Variants in FOXP2 observed in about 807,000 individuals in gnomAD.
FOXP2 encodes the protein forkhead box P2.
In FOXP2, 12 loss-of-function variants were observed where a neutral mutation model predicts 115.8. That is an observed-to-expected ratio of 0.10 (90% CI 0.07 to 0.17). The LOEUF is 0.17. Ranked by LOEUF, FOXP2 falls within the 10% of genes least tolerant of loss-of-function variation. The pLI, the probability that FOXP2 is intolerant of heterozygous loss-of-function variation, is 1.00. For missense variants in FOXP2, 629 were observed against 843.5 expected (o/e 0.75, Z 3.15); for synonymous variants, 328 against 297.7 (o/e 1.10, Z -1.05).
chr7:114,474,994 A>G (rs2396751), intron 2 of FOXP2, among the ~76,000 whole-genome samples: 68,967 of 151,640 alleles, frequency 0.45, 15,808 homozygotes, highest in Admixed American at 0.52. Context: ...AGATGTAGTA[A>G]ATGAGCCCTG....
intron 1 of FOXP2, among the ~76,000 whole-genome samples, chr7:114,285,675 T>C (rs1796450362): frequency 6.6e-6 from 1 of 152,102 alleles, no homozygotes; most frequent in Non-Finnish European, 1.5e-5. Flanking sequence ...AAATTCATGC[T>C]CTTCTGATGA....
chr7:114,655,001 T>G (rs1001798295), intron 10 of FOXP2, among the ~76,000 whole-genome samples: 4 of 152,152 alleles, frequency 2.6e-5, no homozygotes, highest in African/African-American at 9.6e-5. Context: ...TTTCTGCTTT[T>G]CCTTTGTACT....
intron 2 of FOXP2, among the ~76,000 whole-genome samples, chr7:114,350,626 C>T (rs190457269): frequency 6.6e-6 from 1 of 152,064 alleles, no homozygotes; most frequent in East Asian, 1.9e-4. Flanking sequence ...TATATAGTTG[C>T]CTCTAATTTC....
At chr7:114,431,667 A>T (rs1452299767) in intron 2 of FOXP2, among the ~76,000 whole-genome samples, 1 of 151,896 alleles carries the variant, frequency 6.6e-6, no homozygotes, top group Non-Finnish European at 1.5e-5. Flanking sequence ...TGATCAGAAG[A>T]TGGCTGTAAT....
chr7:114,616,958 C>G (rs1036491598), intron 3 of FOXP2, among the ~76,000 whole-genome samples: 1 of 152,168 alleles, frequency 6.6e-6, no homozygotes, highest in East Asian at 1.9e-4. Flanking sequence ...TGGCAGTGCA[C>G]ACCTGTAGTC....
intron 2 of FOXP2, among the ~76,000 whole-genome samples, chr7:114,491,094 A>G (rs1321378045): frequency 6.6e-6 from 1 of 152,282 alleles, no homozygotes; most frequent in Non-Finnish European, 1.5e-5. Context: ...GACTTCCACA[A>G]TGGTTGAACT....
chr7:114,347,349 C>T (rs576226903), intron 2 of FOXP2, among the ~76,000 whole-genome samples: 22 of 152,006 alleles, frequency 1.4e-4, no homozygotes, highest in East Asian at 3.9e-4. Flanking sequence ...CATATACACA[C>T]GCATATACGT....
intron 1 of FOXP2, among the ~76,000 whole-genome samples, chr7:114,152,896 C>G (rs1187385160): frequency 6.6e-6 from 1 of 152,112 alleles, no homozygotes; most frequent in African/African-American, 2.4e-5. Flanking sequence ...GCAGGATTTC[C>G]AGGCACTGGA....
At chr7:114,421,683 G>T (rs886064225) in intron 1 of FOXP2, among the ~76,000 whole-genome samples, 5 of 151,574 alleles carry the variant, frequency 3.3e-5, no homozygotes, top group Non-Finnish European at 5.9e-5. Context: ...TGTTTTAAAA[G>T]ACATCCTGCT....
At chr7:114,528,269 C>T (rs1460173479) in intron 2 of FOXP2, among the ~76,000 whole-genome samples, 3 of 152,016 alleles carry the variant, frequency 2.0e-5, no homozygotes, top group Non-Finnish European at 4.4e-5. Flanking sequence ...CATGTAACTC[C>T]AGCCCAAATA....
At chr7:114,672,552 T>C (rs1585015100) in intron 16 of FOXP2, among the ~76,000 whole-genome samples, 2 of 151,476 alleles carry the variant, frequency 1.3e-5, no homozygotes. Flanking sequence ...GCCGCTGTGC[T>C]CCAGCCAATG....
chr7:114,424,604 T>C (rs1196579148), intron 1 of FOXP2, among the ~76,000 whole-genome samples: 2 of 151,574 alleles, frequency 1.3e-5, no homozygotes, highest in African/African-American at 4.8e-5. Context: ...TGAATACTTA[T>C]TAGCTGCCTA....
chr7:114,132,568 TGTGTGTGTGTGTGTGAGA>T (rs926238153), intron 1 of FOXP2, among the ~76,000 whole-genome samples: 1 of 132,412 alleles, frequency 7.6e-6, no homozygotes, highest in African/African-American at 2.9e-5. Flanking sequence ...TGTGTGTGTG[TGTGTGTGTGTGTGTGAGA>T]GAGAGAGAGA....
chr7:114,407,218 A>T (rs1333079261), intron 2 of FOXP2, among the ~76,000 whole-genome samples: 2 of 152,096 alleles, frequency 1.3e-5, no homozygotes, highest in Admixed American at 6.6e-5. Flanking sequence ...AAAGAAATTC[A>T]TAAATAAATA....
intron 3 of FOXP2, among the ~76,000 whole-genome samples, chr7:114,563,304 A>G (rs1800844704): frequency 6.6e-6 from 1 of 152,114 alleles, no homozygotes; most frequent in African/African-American, 2.4e-5. Flanking sequence ...TTCAATTCTT[A>G]CCTTAGTAGA....
chr7:114,141,651 C>G (rs1001368448), intron 1 of FOXP2, among the ~76,000 whole-genome samples: 2 of 152,242 alleles, frequency 1.3e-5, no homozygotes, highest in Admixed American at 6.5e-5. Flanking sequence ...TGCAAGGTAA[C>G]CCAAGTTGCT....
chr7:114,089,434 A>G (rs1799497890), intron 1 of FOXP2, among the ~76,000 whole-genome samples: 1 of 152,086 alleles, frequency 6.6e-6, no homozygotes, highest in Admixed American at 6.5e-5. Context: ...TAAATACAGC[A>G]ATAAAAGGAA....
intron 1 of FOXP2, among the ~76,000 whole-genome samples, chr7:114,093,895 T>C (rs1036029375): frequency 1.1e-4 from 16 of 152,138 alleles, no homozygotes; most frequent in Admixed American, 4.6e-4. Flanking sequence ...TATAATAATA[T>C]TTACCGAAAG....
rs191444837 is a variant in FOXP2 at position 114,339,876 on chromosome 7, T to C, written c.-11+51767T>C. On this transcript the variant is annotated intron_variant, in intron 2 of 17. Transcript: ENST00000634411. The stretch of plus-strand genomic sequence containing the variant: ...ATTTATACAAAGGTCTTTTACAAGA[T>C]AGGGATTCTTATACTTTTTAATATT... 3.0e-4 allele frequency among the ~76,000 whole-genome samples: 45 copies of C among 151,288 alleles called. 1 individual carries two copies. In the South Asian group the frequency reaches 5.0e-3, roughly 17 times the overall value.
Sources: gnomAD v4.1 joint callset for allele counts (sites outside exome capture counted in the v4.1 genomes callset) on GRCh38, gnomAD v4.1.1 for gene constraint, MANE v1.5 for transcripts, NCBI Gene and HGNC (gene_info 2026-07-23, HGNC 2026-07-21) for gene names.